Variants in TRIM24 observed in about 807,000 individuals in gnomAD.
The protein encoded by TRIM24 is transcription intermediary factor 1-alpha.
In TRIM24, 29 loss-of-function variants were observed where a neutral mutation model predicts 123.9. The ratio of observed to expected loss-of-function variants is 0.23; its 90% CI spans 0.17 to 0.32. TRIM24 has a LOEUF of 0.32. Among genes scored for constraint, TRIM24 ranks in the 10% least tolerant of loss-of-function variants. The pLI is 1.00. For synonymous variants in TRIM24, 456 were observed against 461.1 expected (o/e 0.99, Z 0.14); for missense variants, 932 against 1,295.3 (o/e 0.72, Z 4.31).
At chr7:138,523,915 G>T (rs1013072599) in intron 4 of TRIM24, among the ~76,000 whole-genome samples, 1 of 152,122 alleles carries the variant, frequency 6.6e-6, no homozygotes, top group Admixed American at 6.6e-5. Flanking sequence ...CTCATGAAAT[G>T]AATGTAAAAA....
intron 12 of TRIM24, 71 bp downstream of exon 12, chr7:138,573,713 C>G (rs1422771039): frequency 1.3e-6 from 2 of 1,489,074 alleles, no homozygotes; most frequent in Non-Finnish European, 1.8e-6. Flanking sequence ...AAAAAATTAC[C>G]CCTCTTCTCC....
intron 6 of TRIM24, among the ~76,000 whole-genome samples, chr7:138,538,074 G>T (rs1796930972): frequency 6.6e-6 from 1 of 152,164 alleles, no homozygotes; most frequent in Non-Finnish European, 1.5e-5. Context: ...GCTTTTGTTA[G>T]AGTGCATTGG....
chr7:138,560,651 G>A (rs1184996154), intron 9 of TRIM24, among the ~76,000 whole-genome samples: 6 of 152,162 alleles, frequency 3.9e-5, no homozygotes, highest in Admixed American at 6.5e-5. Context: ...TTCTAGTGCC[G>A]TTTTCCTTAT....
chr7:138,539,919 G>T (rs1563052887), intron 7 of TRIM24, among the ~76,000 whole-genome samples: 1 of 150,960 alleles, frequency 6.6e-6, no homozygotes, highest in Non-Finnish European at 1.5e-5. Context: ...TTCTGCCTCA[G>T]CCTCCCGAGT....
rs1414193409 is a variant in TRIM24, at chr7:138,486,111, G to C, written c.365-18179G>C. 2.0e-5 allele frequency among the ~76,000 whole-genome samples: 3 copies of C among 152,144 alleles called. No individual in the cohort carries two copies. The East Asian group carries it at 5.8e-4, about 29-fold the overall frequency. ...ACCAGTGATGATGAGCATTTTTCAT[G>C]TGTCCGTTGGCTGCATACATGTTTT... On this transcript the variant is annotated intron_variant, in intron 1 of 18. Coordinates refer to ENST00000343526, the MANE Select transcript of TRIM24 (RefSeq NM_015905.3).
intron 16 of TRIM24, among the ~76,000 whole-genome samples, chr7:138,581,054 A>G (rs28546247): frequency 0.013 from 1,974 of 152,274 alleles, 36 homozygotes; most frequent in African/African-American, 0.044. Flanking sequence ...CTCTTCCTGG[A>G]AATAATTCCT....
intron 6 of TRIM24, among the ~76,000 whole-genome samples, chr7:138,533,991 G>T (rs1584724222): frequency 6.6e-6 from 1 of 152,264 alleles, no homozygotes; most frequent in East Asian, 1.9e-4. Flanking sequence ...AAATTTTCTA[G>T]TTTATTTGCA....
intron 1 of TRIM24, among the ~76,000 whole-genome samples, chr7:138,465,029 T>G (rs1302464530): frequency 6.6e-6 from 1 of 152,218 alleles, no homozygotes; most frequent in Non-Finnish European, 1.5e-5. Context: ...AAAAAAATCC[T>G]AACACATTTT....
intron 9 of TRIM24, among the ~76,000 whole-genome samples, chr7:138,564,908 C>T (rs1470512972): frequency 1.3e-5 from 2 of 152,152 alleles, no homozygotes; most frequent in Non-Finnish European, 2.9e-5. Context: ...AGTTACAGCG[C>T]AACACACTCA....
chr7:138,548,382 C>T (rs530996555), intron 7 of TRIM24, among the ~76,000 whole-genome samples: 11 of 151,840 alleles, frequency 7.2e-5, no homozygotes, highest in Non-Finnish European at 1.6e-4. Context: ...TGAGATCGCA[C>T]CACTCCACTC....
chr7:138,526,666 C>T (rs1796616904), intron 5 of TRIM24, among the ~76,000 whole-genome samples: 1 of 152,142 alleles, frequency 6.6e-6, no homozygotes, highest in Admixed American at 6.5e-5. Flanking sequence ...CCACCTCAGC[C>T]TCCCAAAGCA....
At chr7:138,467,969 C>G (rs1795184814) in intron 1 of TRIM24, among the ~76,000 whole-genome samples, 1 of 151,876 alleles carries the variant, frequency 6.6e-6, no homozygotes, top group African/African-American at 2.4e-5. Flanking sequence ...TTACTTCTTG[C>G]TTTCTATTCT....
intron 7 of TRIM24, among the ~76,000 whole-genome samples, chr7:138,544,425 A>T (rs1324476327): frequency 6.6e-6 from 1 of 151,904 alleles, no homozygotes; most frequent in Admixed American, 6.6e-5. Context: ...GCATCATTGG[A>T]TACAGGTTGT....
chr7:138,504,462 T>G, intron 2 of TRIM24, 54 bp downstream of exon 2: 10 of 1,190,362 alleles, frequency 8.4e-6, no homozygotes, highest in Non-Finnish European at 1.1e-5. Flanking sequence ...TTTTTTTTTT[T>G]TTTTTTTTTT....
Position 138,460,468 on chromosome 7 carries a change from C to CCGCAGGA in TRIM24, c.-80_-74dup. On this transcript the variant is annotated 5_prime_UTR_variant, in exon 1 of 19. Transcript: ENST00000343526. ...CCACCGAGCGGCCTCTGAGGAGCAG[C>CCGCAGGA]CGCAGGAGGAGGAGGAGGTCGTCGG... 8.1e-7 allele frequency: 1 copy of CCGCAGGA among 1,241,368 alleles called. No homozygotes were observed. Among genetic ancestry groups the CCGCAGGA allele is most frequent in the East Asian group, 3.2e-5 (1 of 31,582 alleles). The allele number at this position is 1,241,368 out of a possible 1,614,324, so 76.9% of individuals were successfully genotyped here.
Position 138,538,709 on chromosome 7 carries a change from C to G in TRIM24, c.1049C>G (p.Ala350Gly). 2 of 1,614,076 alleles carry G rather than the reference C, an allele frequency of 1.2e-6. No individual in the cohort carries two copies. Among genetic ancestry groups the G allele is most frequent in the Non-Finnish European group, 8.5e-7 (1 of 1,179,986 alleles). Residue 350 changes from alanine to glycine, a missense_variant, in exon 7 of 19, where the codon GCT becomes GGT. Transcript: ENST00000343526. ...MKLMQQQQEV[A>G]GLSKQLEHVM... ...CTTATGCAACAACAACAGGAAGTGG[C>G]TGGACTCTCTAAACAATTGGAGCAT...
chr7:138,508,728 T>TGTGTGCGTGTGC (rs1554436759), intron 2 of TRIM24, among the ~76,000 whole-genome samples: 1,863 of 136,358 alleles, frequency 0.014, 141 homozygotes, highest in Admixed American at 0.12. Context: ...TGCGTGTGTG[T>TGTGTGCGTGTGC]GTGTGTGTGT....
chr7:138,555,555 T>C (rs1797299518), intron 9 of TRIM24, among the ~76,000 whole-genome samples: 1 of 150,948 alleles, frequency 6.6e-6, no homozygotes, highest in African/African-American at 2.4e-5. Flanking sequence ...CGATCTCAGC[T>C]CACTACAACC....
chr7:138,580,715 A>G (rs745679401), intron 16 of TRIM24, 21 bp downstream of exon 16: 1 of 1,610,002 alleles, frequency 6.2e-7, no homozygotes, highest in Non-Finnish European at 8.5e-7. Flanking sequence ...GGTAAGATGC[A>G]TTATTGTATT....
Sources: allele counts gnomAD v4.1 joint callset (sites outside exome capture counted in the v4.1 genomes callset), GRCh38; gene constraint gnomAD v4.1.1; transcripts MANE v1.5; gene names NCBI Gene and HGNC (gene_info 2026-07-23, HGNC 2026-07-21).